Variants in SPECC1L observed in about 807,000 individuals in gnomAD.
SPECC1L encodes cytospin-A.
SPECC1L carries 40 observed loss-of-function variants against 116.8 expected under a neutral mutation model. The observed-to-expected ratio is 0.34, with a 90% CI of 0.27 to 0.45. The LOEUF (loss-of-function observed/expected upper bound fraction) is 0.45, where lower values mean the gene tolerates loss of function less well. Among genes scored for constraint, SPECC1L ranks in the 20% least tolerant of loss-of-function variants. The pLI, the probability that SPECC1L is intolerant of heterozygous loss-of-function variation, is 1.00. For missense variants in SPECC1L, 1,110 were observed against 1,373.6 expected (o/e 0.81, Z 3.03); for synonymous variants, 504 against 500.6 (o/e 1.01, Z -0.09).
In SPECC1L at chr22:24,303,844, GGTGTGTGTGTGTGTGTGT is replaced by G. The variant is rs3031935; in HGVS notation, c.153+1485_153+1502del. Among the ~76,000 whole-genome samples, 24 of 144,092 alleles carry G rather than the reference GGTGTGTGTGTGTGTGTGT, an allele frequency of 1.7e-4. 1 individual carries two copies. The South Asian group carries it at 4.5e-3, about 27-fold the overall frequency. The allele number at this position is 144,092 out of a possible 152,430, so 94.5% of individuals were successfully genotyped here. A position where few individuals can be genotyped will look rare whatever the true frequency, so the allele number is the denominator to read the frequency against. On this transcript the variant is annotated intron_variant, in intron 3 of 16. Transcript: ENST00000314328. ...CTGCTGCATTAACAAGTTTAAATAGGGTGTGTGTGTGTGTGTGTGTGTGTGTGTGTGTGTGTGTGTGTA... is the reference window on the plus strand; with the variant it reads ...CTGCTGCATTAACAAGTTTAAATAGGGTGTGTGTGTGTGTGTGTGTGTGTA...
At chr22:24,305,564 C>T (rs1448072049) in intron 3 of SPECC1L, among the ~76,000 whole-genome samples, 1 of 151,962 alleles carries the variant, frequency 6.6e-6, no homozygotes, top group Non-Finnish European at 1.5e-5. Context: ...CTGCTATTGG[C>T]AGACTTTTAC....
At chr22:24,409,970 G>T (rs552735157) in intron 14 of SPECC1L, among the ~76,000 whole-genome samples, 3 of 152,206 alleles carry the variant, frequency 2.0e-5, no homozygotes, top group African/African-American at 4.8e-5. Flanking sequence ...CGTCAAGGCC[G>T]CAGTGAGTCA....
chr22:24,311,999 C>T lies in SPECC1L; in HGVS notation c.154-1314C>T, dbSNP rs188930206. On this transcript the variant is annotated intron_variant, in intron 3 of 16. Coordinates refer to ENST00000314328, the MANE Select transcript of SPECC1L (RefSeq NM_015330.6). The stretch of plus-strand genomic sequence containing the variant: ...TGGGGGGCGGGTGGGGACAGGGTCT[C>T]ACTCTGTTGCCTAGGCTGGAGTACG... Among the ~76,000 whole-genome samples the T allele has an allele frequency of 1.3e-4, 20 of 152,076 alleles. No homozygotes were observed. The highest frequency in any genetic ancestry group is 6.8e-3 in the Middle Eastern group (2 of 294).
At chr22:24,311,997 CTCACTCTGTTGCCTAGGCTGGAGT>C (rs2040471246) in intron 3 of SPECC1L, among the ~76,000 whole-genome samples, 1 of 151,842 alleles carries the variant, frequency 6.6e-6, no homozygotes, top group Admixed American at 6.6e-5. Flanking sequence ...GGGACAGGGT[CTCACTCTGTTGCCTAGGCTGGAGT>C]ACGGTGGCGT....
intron 14 of SPECC1L, among the ~76,000 whole-genome samples, chr22:24,402,499 G>A (rs2042499280): frequency 6.6e-6 from 1 of 152,232 alleles, no homozygotes; most frequent in Non-Finnish European, 1.5e-5. Flanking sequence ...TCGTGAGCCA[G>A]GGTTTTGTTA....
chr22:24,391,431 T>G (rs1325578536), intron 14 of SPECC1L, among the ~76,000 whole-genome samples: 1 of 152,188 alleles, frequency 6.6e-6, no homozygotes, highest in Non-Finnish European at 1.5e-5. Context: ...GCCATTACCA[T>G]AAATGAGTTT....
At chr22:24,312,072 G>T (rs966918162) in intron 3 of SPECC1L, among the ~76,000 whole-genome samples, 1 of 152,046 alleles carries the variant, frequency 6.6e-6, no homozygotes, top group African/African-American at 2.4e-5. Flanking sequence ...GGGCTCAAGC[G>T]ATCCTCTCAC....
At chr22:24,377,294 A>T (rs1010938812) in intron 14 of SPECC1L, among the ~76,000 whole-genome samples, 11 of 152,062 alleles carry the variant, frequency 7.2e-5, no homozygotes, top group Non-Finnish European at 1.5e-5. Flanking sequence ...GGGGGTTATT[A>T]TAAATGTCAC....
rs544045791 is a variant in SPECC1L at position 24,400,553 on chromosome 22, A to G, written c.3088-11035A>G. On this transcript the variant is annotated intron_variant, in intron 14 of 16. Transcript: ENST00000314328. ...CGTTCCTGTACAGGTATTTGTTTGA[A>G]CATCTGCTTTCAGTTCTTTGAAGTA... Among the ~76,000 whole-genome samples, 58 of 152,268 alleles carry G rather than the reference A, an allele frequency of 3.8e-4. 3 individuals are homozygous for G. The South Asian group carries it at 0.012, about 30-fold the overall frequency.
intron 2 of SPECC1L, among the ~76,000 whole-genome samples, chr22:24,299,648 C>T (rs2049336328): frequency 6.6e-6 from 1 of 151,998 alleles, no homozygotes; most frequent in African/African-American, 2.4e-5. Flanking sequence ...TTCCAGAAGT[C>T]CTTGTTCGAC....
intron 12 of SPECC1L, 87 bp from the exon 13 acceptor site, chr22:24,365,389 G>A: frequency 7.9e-7 from 1 of 1,259,762 alleles, no homozygotes; most frequent in South Asian, 1.3e-5. Context: ...AATATCTGTT[G>A]TTTTTGGAAT....
At position 24,388,448 on chromosome 22, in the gene SPECC1L, G is replaced by A. The variant is rs554199922; in HGVS notation, c.3087+19128G>A. Among the ~76,000 whole-genome samples, 42 of 151,758 alleles carry A rather than the reference G, an allele frequency of 2.8e-4. No homozygotes were observed. The South Asian group carries it at 8.1e-3, about 29-fold the overall frequency. ...TTTTATGGCTGCATAGTATTCCATG[G>A]TGTATATGTGCCACATTTTCTTAAT... On this transcript the variant is annotated intron_variant, in intron 14 of 16. Transcript: ENST00000314328.
intron 14 of SPECC1L, among the ~76,000 whole-genome samples, chr22:24,380,420 C>G (rs1017840102): frequency 4.6e-5 from 7 of 152,194 alleles, no homozygotes; most frequent in African/African-American, 1.7e-4. Flanking sequence ...TTAGCACATA[C>G]TGCTCCCAGA....
At chr22:24,295,365 T>C (rs1268501540) in intron 2 of SPECC1L, among the ~76,000 whole-genome samples, 1 of 150,086 alleles carries the variant, frequency 6.7e-6, no homozygotes, top group East Asian at 1.9e-4. Flanking sequence ...ATGTCAATAA[T>C]TTATTTTAGA....
Position 24,411,720 on chromosome 22 carries a change from C to T in SPECC1L, c.3204+16C>T, listed in dbSNP as rs1268911854. On this transcript the variant is annotated intron_variant, in intron 15 of 16. Transcript: ENST00000314328. ...CCAGGATAAGGTAGGCCATGGAGGG[C>T]CAGCTCCTGGCACCCACCTCACAGG... is the stretch of plus-strand genomic sequence containing the variant. 6.3e-7 allele frequency: 1 copy of T among 1,595,860 alleles called. No individual in the cohort carries two copies. Among genetic ancestry groups the T allele is most frequent in the South Asian group, 1.1e-5 (1 of 90,666 alleles).
At chr22:24,307,570 A>G (rs2049525379) in intron 3 of SPECC1L, among the ~76,000 whole-genome samples, 1 of 151,104 alleles carries the variant, frequency 6.6e-6, no homozygotes, top group Non-Finnish European at 1.5e-5. Context: ...TCTTTTCTTT[A>G]TGGGGTATGT....
At chr22:24,409,806 C>T (rs1398467889) in intron 14 of SPECC1L, among the ~76,000 whole-genome samples, 1 of 152,194 alleles carries the variant, frequency 6.6e-6, no homozygotes, top group East Asian at 1.9e-4. Flanking sequence ...GGTGACATCG[C>T]TTGAGCTCAG....
rs117028590 is a variant in SPECC1L at position 24,320,913 on chromosome 22, A to G, written c.308-375A>G. Among the ~76,000 whole-genome samples the G allele has an allele frequency of 4.8e-3, 735 of 152,314 alleles. 2 individuals carry two copies. The highest frequency in any genetic ancestry group is 7.3e-3 in the Non-Finnish European group (499 of 68,032). ...CCACCGACTGGCTAATCCTGGAGTC[A>G]TCTTCACCTGTCTTGCCCTAGAATA... On this transcript the variant is annotated intron_variant, in intron 4 of 16. Transcript: ENST00000314328.
At chr22:24,353,688 A>G (rs1433712959) in intron 11 of SPECC1L, among the ~76,000 whole-genome samples, 1 of 152,108 alleles carries the variant, frequency 6.6e-6, no homozygotes. Flanking sequence ...CATAACAGGC[A>G]TGAGCCACCA....
Sources: gnomAD v4.1 joint callset for allele counts (sites outside exome capture counted in the v4.1 genomes callset) on GRCh38, gnomAD v4.1.1 for gene constraint, MANE v1.5 for transcripts, NCBI Gene and HGNC (gene_info 2026-07-23, HGNC 2026-07-21) for gene names.